The following XKR9 variants were observed in gnomAD, a reference collection of about 807,000 sequenced individuals.
The protein encoded by XKR9 is XK related 9.
A neutral mutation model predicts 32.0 loss-of-function variants in XKR9; 32 were observed. The ratio of observed to expected loss-of-function variants is 1.00; its 90% CI spans 0.76 to 1.34. The LOEUF is 1.34. Among genes scored for constraint, XKR9 ranks in the 40% most tolerant of loss-of-function variants. The pLI is 0.00. For synonymous variants in XKR9, 168 were observed against 143.4 expected, an observed-to-expected ratio of 1.17 and a Z score of -1.22; for missense variants, 546 against 429.7, an observed-to-expected ratio of 1.27 and a Z score of -2.39.
the XKR9 span, among the ~76,000 whole-genome samples, chr8:70,816,292 T>G: frequency 6.6e-6 from 1 of 152,142 alleles, no homozygotes; most frequent in Admixed American, 6.5e-5. Context: ...GGACAGTAGC[T>G]GGGAAGTTAA....
intron 2 of XKR9, among the ~76,000 whole-genome samples, chr8:70,756,060 G>T (rs955657956): frequency 6.6e-6 from 1 of 152,120 alleles, no homozygotes. Context: ...TGTGAGATAA[G>T]TGTTTATTCT....
chr8:70,939,708 C>T, the XKR9 span, among the ~76,000 whole-genome samples: 18 of 151,962 alleles, frequency 1.2e-4, no homozygotes, highest in Admixed American at 9.8e-4. Context: ...TGCCTCAAAA[C>T]TTTCTATTTA....
chr8:70,766,239 A>G (rs545401086), intron 2 of XKR9, among the ~76,000 whole-genome samples: 1 of 152,298 alleles, frequency 6.6e-6, no homozygotes, highest in South Asian at 2.1e-4. Context: ...ACCCATGAAT[A>G]TGGAATGTTC....
the XKR9 span, among the ~76,000 whole-genome samples, chr8:70,903,599 C>T: frequency 6.6e-6 from 1 of 152,128 alleles, no homozygotes; most frequent in African/African-American, 2.4e-5. Flanking sequence ...CTCCTGGATT[C>T]ATTGATTTTT....
chr8:71,065,636 C>T, the XKR9 span, among the ~76,000 whole-genome samples: 1 of 152,190 alleles, frequency 6.6e-6, no homozygotes, highest in Non-Finnish European at 1.5e-5. Context: ...GTAAGTTACA[C>T]ATAATGCAGC....
chr8:70,736,537 G>C (rs575039260), downstream of XKR9, among the ~76,000 whole-genome samples: 2 of 152,198 alleles, frequency 1.3e-5, no homozygotes, highest in South Asian at 2.1e-4. Context: ...CATGAATTCT[G>C]TGCCCATGCC....
chr8:70,768,897 G>T (rs905467751), intron 2 of XKR9, among the ~76,000 whole-genome samples: 8 of 152,098 alleles, frequency 5.3e-5, no homozygotes, highest in African/African-American at 1.7e-4. Flanking sequence ...GCCAGTCTGT[G>T]TCTTTTAATT....
the XKR9 span, among the ~76,000 whole-genome samples, chr8:71,052,611 C>T: frequency 6.6e-6 from 1 of 152,188 alleles, no homozygotes; most frequent in Admixed American, 6.5e-5. Flanking sequence ...TTCAAGCAGG[C>T]ATGCAGACAG....
At chr8:70,748,017 T>A (rs914105164) in intron 2 of XKR9, among the ~76,000 whole-genome samples, 1 of 152,266 alleles carries the variant, frequency 6.6e-6, no homozygotes, top group Non-Finnish European at 1.5e-5. Flanking sequence ...ACCAAGATAG[T>A]ATTTTTTGAA....
intron 2 of XKR9, among the ~76,000 whole-genome samples, chr8:70,676,949 C>T (rs1038423031): frequency 6.6e-6 from 1 of 152,040 alleles, no homozygotes; most frequent in African/African-American, 2.4e-5. Context: ...AAGAAATGCA[C>T]ATATGGAATA....
At chr8:70,858,492 A>G in the XKR9 span, among the ~76,000 whole-genome samples, 1 of 151,612 alleles carries the variant, frequency 6.6e-6, no homozygotes, top group East Asian at 1.9e-4. Flanking sequence ...CATTCTTCAC[A>G]GAAATAGAAA....
the XKR9 span, among the ~76,000 whole-genome samples, chr8:71,045,570 T>C: frequency 2.0e-5 from 3 of 152,236 alleles, no homozygotes; most frequent in African/African-American, 7.2e-5. Flanking sequence ...GTAGCACTTT[T>C]GTGGCCCGGG....
At chr8:70,889,617 T>G in the XKR9 span, among the ~76,000 whole-genome samples, 1 of 152,036 alleles carries the variant, frequency 6.6e-6, no homozygotes, top group East Asian at 1.9e-4. Context: ...GAGTACCTGA[T>G]ATTTAGTTTT....
chr8:71,032,761 C>T, the XKR9 span, among the ~76,000 whole-genome samples: 1 of 152,120 alleles, frequency 6.6e-6, no homozygotes, highest in Non-Finnish European at 1.5e-5. Flanking sequence ...AGAACAACCT[C>T]AAGGAAACAC....
At chr8:70,677,637 A>G (rs1295084119) in intron 2 of XKR9, among the ~76,000 whole-genome samples, 1 of 152,188 alleles carries the variant, frequency 6.6e-6, no homozygotes, top group Non-Finnish European at 1.5e-5. Flanking sequence ...CTCTTCAGAT[A>G]CTGTGTAAGT....
the XKR9 span, among the ~76,000 whole-genome samples, chr8:71,023,145 G>A: frequency 6.6e-6 from 1 of 152,106 alleles, no homozygotes; most frequent in East Asian, 1.9e-4. Flanking sequence ...GACAATTATT[G>A]TGTTCCTTTG....
chr8:70,768,818 A>T (rs1469750612), intron 2 of XKR9, among the ~76,000 whole-genome samples: 1 of 149,986 alleles, frequency 6.7e-6, no homozygotes, highest in Non-Finnish European at 1.5e-5. Context: ...TTGAGCCTAT[A>T]TGTGTCTTTG....
the XKR9 span, among the ~76,000 whole-genome samples, chr8:70,904,293 G>C: frequency 6.6e-6 from 1 of 152,148 alleles, no homozygotes; most frequent in Admixed American, 6.6e-5. Flanking sequence ...TATGAATCTG[G>C]TTGCTCCTGT....
chr8:70,956,808 G>C, the XKR9 span, among the ~76,000 whole-genome samples: 2 of 152,230 alleles, frequency 1.3e-5, no homozygotes, highest in African/African-American at 4.8e-5. Context: ...TGTCGGGAGT[G>C]GGGAGAGGCC....
Sources: gnomAD v4.1 joint callset for allele counts (sites outside exome capture counted in the v4.1 genomes callset) on GRCh38, gnomAD v4.1.1 for gene constraint, MANE v1.5 for transcripts, NCBI Gene and HGNC (gene_info 2026-07-23, HGNC 2026-07-21) for gene names.